Variants in DR1 observed in about 807,000 individuals in gnomAD.
DR1 encodes down-regulator of transcription 1.
In DR1, 7 loss-of-function variants were observed where a neutral mutation model predicts 19.9. That is an observed-to-expected ratio of 0.35 (90% CI 0.20 to 0.66). The LOEUF (loss-of-function observed/expected upper bound fraction) is 0.66, where lower values mean the gene tolerates loss of function less well. Ranked by LOEUF, DR1 falls within the 30% of genes least tolerant of loss-of-function variation. The pLI is 0.66. For synonymous variants in DR1, 76 were observed against 72.5 expected (o/e 1.05, Z -0.24); for missense variants, 98 against 203.7 (o/e 0.48, Z 3.16).
chr1:93,346,828 G>C lies in DR1; in HGVS notation c.183G>C (p.Ser61=). The change falls in exon 1 of 3, where the codon TCG becomes TCC. Residue 61 remains serine (S), a synonymous_variant. Coordinates refer to ENST00000370272, the MANE Select transcript of DR1 (RefSeq NM_001938.3). ...SSEANEICNK[S]EKKTISPEHV... ...AAGCCAATGAGATTTGTAACAAATCGGAAAAGAAGACCATCTCACCAGAGC... is the reference window on the plus strand; with the variant it reads ...AAGCCAATGAGATTTGTAACAAATCCGAAAAGAAGACCATCTCACCAGAGC... 1 of 1,613,402 alleles carries C rather than the reference G, an allele frequency of 6.2e-7. No homozygotes were observed. Among genetic ancestry groups the C allele is most frequent in the Admixed American group, 1.7e-5 (1 of 59,908 alleles).
chr1:93,346,084 C>T lies in DR1; in HGVS notation c.-562C>T. 4.7e-6 allele frequency: 1 copy of T among 212,618 alleles called. No individual in the cohort carries two copies. The highest frequency in any genetic ancestry group is 9.3e-6 in the Non-Finnish European group (1 of 107,504). 13.2% of individuals were successfully genotyped at this position (212,618 alleles called of 1,614,324 possible). ...TAGTTCCCAGGCGGCCGTCGCCGTT[C>T]CAGCAGCGGCAGCGGCAGCGGCAGC... On this transcript the variant is annotated 5_prime_UTR_variant, in exon 1 of 3. Transcript: ENST00000370272.
rs1360385388 is a variant in DR1 at position 93,364,570 on chromosome 1, T to C, written c.*3931T>C. 1 of 152,180 alleles carries C rather than the reference T, an allele frequency of 6.6e-6. No individual in the cohort carries two copies. Among genetic ancestry groups the C allele is most frequent in the Non-Finnish European group, 1.5e-5 (1 of 68,026 alleles). 9.4% of individuals were successfully genotyped at this position (152,180 alleles called of 1,614,324 possible). A position where few individuals can be genotyped will look rare whatever the true frequency, so the allele number is the denominator to read the frequency against. ...ATTTTTTTGTTGCTGTTTTCTTTTT[T>C]GCCTCTGTCCCCAACAATTTGACCA... On this transcript the variant is annotated 3_prime_UTR_variant, in exon 3 of 3. Transcript: ENST00000370272.
chr1:93,352,509 A>G (rs1217678595), intron 1 of DR1, among the ~76,000 whole-genome samples: 2 of 152,240 alleles, frequency 1.3e-5, no homozygotes, highest in Non-Finnish European at 2.9e-5. Flanking sequence ...AGGTTGATGA[A>G]AACAGCTTAA....
At chr1:93,347,352 T>C (rs755112855) in intron 1 of DR1, among the ~76,000 whole-genome samples, 1 of 152,208 alleles carries the variant, frequency 6.6e-6, no homozygotes, top group Admixed American at 6.5e-5. Context: ...TAACATACAA[T>C]GTGTTCAACG....
chr1:93,356,538 A>T (rs1181817012), intron 2 of DR1, among the ~76,000 whole-genome samples: 1 of 152,214 alleles, frequency 6.6e-6, no homozygotes, highest in Admixed American at 6.5e-5. Flanking sequence ...CAGACCATTG[A>T]ATAGACTACC....
At chr1:93,352,183 C>T (rs1367145759) in intron 1 of DR1, among the ~76,000 whole-genome samples, 3 of 152,202 alleles carry the variant, frequency 2.0e-5, no homozygotes, top group Non-Finnish European at 4.4e-5. Flanking sequence ...GATCTTCCTG[C>T]CTCAGCCTCC....
intron 1 of DR1, among the ~76,000 whole-genome samples, chr1:93,348,700 G>T (rs908118400): frequency 6.6e-5 from 10 of 152,068 alleles, no homozygotes; most frequent in African/African-American, 2.4e-4. Flanking sequence ...GTGTAATGAA[G>T]ATGATTTGTT....
chr1:93,348,381 T>G (rs1188604970), intron 1 of DR1, among the ~76,000 whole-genome samples: 1 of 152,066 alleles, frequency 6.6e-6, no homozygotes, highest in East Asian at 1.9e-4. Context: ...TTACAACTCT[T>G]AAAAAGGAAA....
chr1:93,369,048 A>T lies in DR1; in HGVS notation c.*8409A>T, dbSNP rs2101644552. 1 of 152,238 alleles carries T rather than the reference A, an allele frequency of 6.6e-6. No homozygotes were observed. The highest frequency in any genetic ancestry group is 2.1e-4 in the South Asian group (1 of 4,832). 9.4% of individuals were successfully genotyped at this position (152,238 alleles called of 1,614,324 possible). On this transcript the variant is annotated 3_prime_UTR_variant, in exon 3 of 3. Coordinates refer to ENST00000370272, the MANE Select transcript of DR1 (RefSeq NM_001938.3). ...TTATATATCATTTACATTATGTTAG[A>T]TATTATAATCTAGAGATGATTAGCA...
rs1410765387 is a variant in DR1 at position 93,365,875 on chromosome 1, A to T, written c.*5236A>T. The T allele has an allele frequency of 1.3e-5, 2 of 152,252 alleles. No homozygotes were observed. The highest frequency in any genetic ancestry group is 2.9e-5 in the Non-Finnish European group (2 of 68,040). The allele number at this position is 152,252 out of a possible 1,614,324, so 9.4% of individuals were successfully genotyped here. On this transcript the variant is annotated 3_prime_UTR_variant, in exon 3 of 3. Transcript: ENST00000370272. ...ACACCCAGTTTGAAACAGATGAGGT[A>T]TGCTATTTCATAACTAGTACATCTT...
rs1666853021 is a variant in DR1, at chr1:93,346,958, TC to T, written c.220+96del. 2.6e-6 allele frequency: 3 copies of T among 1,138,054 alleles called. No individual in the cohort carries two copies. The Admixed American group carries it at 6.6e-5, about 25-fold the overall frequency. 70.5% of individuals were successfully genotyped at this position (1,138,054 alleles called of 1,614,324 possible). Reference sequence around the variant, plus strand: ...TTCGTGTCAAAGCCTCCATTCCTCTTCCCTGGTAAGTAACTTAATGAAAAAG... The same window carrying T: ...TTCGTGTCAAAGCCTCCATTCCTCTTCCTGGTAAGTAACTTAATGAAAAAG... On this transcript the variant is annotated intron_variant, in intron 1 of 2. Transcript: ENST00000370272.
rs985138271 is a variant in DR1 at position 93,361,662 on chromosome 1, C to T, written c.*1023C>T. 5.3e-5 allele frequency: 8 copies of T among 152,344 alleles called. No homozygotes were observed. The highest frequency in any genetic ancestry group is 1.9e-4 in the African/African-American group (8 of 41,408). 9.4% of individuals were successfully genotyped at this position (152,344 alleles called of 1,614,324 possible). A position where few individuals can be genotyped will look rare whatever the true frequency, so the allele number is the denominator to read the frequency against. ...CCCAACTAGATGGCCTAGAGTCCAACATTACCTTTTGAGATGACATTATTG... is the reference window on the plus strand; with the variant it reads ...CCCAACTAGATGGCCTAGAGTCCAATATTACCTTTTGAGATGACATTATTG... On this transcript the variant is annotated 3_prime_UTR_variant, in exon 3 of 3. Coordinates refer to ENST00000370272, the MANE Select transcript of DR1 (RefSeq NM_001938.3).
At chr1:93,355,687 C>T (rs1404079467) in intron 2 of DR1, 2 of 151,950 alleles carry the variant, frequency 1.3e-5, no homozygotes, top group Non-Finnish European at 2.9e-5. Context: ...TTTTTTATTC[C>T]TCTTTTTTGT....
intron 1 of DR1, among the ~76,000 whole-genome samples, chr1:93,352,514 G>C (rs1666926525): frequency 6.6e-6 from 1 of 152,202 alleles, no homozygotes; most frequent in Admixed American, 6.5e-5. Flanking sequence ...GATGAAAACA[G>C]CTTAACATTT....
rs918664499 is a variant in DR1 at position 93,362,229 on chromosome 1, G to A, written c.*1590G>A. ...TTAATTTTGCTGAATGTTTTAAGTT[G>A]AAGTTACTTCATGGATGTCATACCC... On this transcript the variant is annotated 3_prime_UTR_variant, in exon 3 of 3. Coordinates refer to ENST00000370272, the MANE Select transcript of DR1 (RefSeq NM_001938.3). 6.6e-6 allele frequency: 1 copy of A among 152,402 alleles called. No homozygotes were observed. Among genetic ancestry groups the A allele is most frequent in the African/African-American group, 2.4e-5 (1 of 41,440 alleles). The allele number at this position is 152,402 out of a possible 1,614,324, so 9.4% of individuals were successfully genotyped here.
intron 1 of DR1, 123 bp downstream of exon 1, chr1:93,346,988 G>T: frequency 1.1e-6 from 1 of 877,154 alleles, no homozygotes; most frequent in South Asian, 1.7e-5. Flanking sequence ...GAAAAAGCCA[G>T]ACTGGCATGT....
intron 2 of DR1, chr1:93,355,700 C>G (rs1441610293): frequency 6.6e-6 from 1 of 152,042 alleles, no homozygotes; most frequent in Non-Finnish European, 1.5e-5. Context: ...TTTTTTGTCT[C>G]CCTTGTTTCT....
At chr1:93,356,690 A>G (rs1327134331) in intron 2 of DR1, among the ~76,000 whole-genome samples, 1 of 150,284 alleles carries the variant, frequency 6.7e-6, no homozygotes, top group Non-Finnish European at 1.5e-5. Flanking sequence ...TATGTATTTG[A>G]TTTGCCCTGC....
Position 93,365,654 on chromosome 1 carries a change from G to A in DR1, c.*5015G>A, listed in dbSNP as rs1325542489. ...GAACCTCTGTTAGAAGCAACACACA[G>A]TATCACTGCAAAAAGACTAAAAGAA... is the stretch of plus-strand genomic sequence containing the variant. On this transcript the variant is annotated 3_prime_UTR_variant, in exon 3 of 3. Coordinates refer to ENST00000370272, the MANE Select transcript of DR1 (RefSeq NM_001938.3). 6.6e-6 allele frequency: 1 copy of A among 152,194 alleles called. No homozygotes were observed. Among genetic ancestry groups the A allele is most frequent in the East Asian group, 1.9e-4 (1 of 5,196 alleles). 9.4% of individuals were successfully genotyped at this position (152,194 alleles called of 1,614,324 possible).
Sources: gnomAD v4.1 joint callset for allele counts (sites outside exome capture counted in the v4.1 genomes callset) on GRCh38, gnomAD v4.1.1 for gene constraint, MANE v1.5 for transcripts, NCBI Gene and HGNC (gene_info 2026-07-23, HGNC 2026-07-21) for gene names.